The following SLC45A4 variants were observed in gnomAD, a reference collection of about 807,000 sequenced individuals.
SLC45A4 encodes the protein polyamine-transporter SLC45A4.
A neutral mutation model predicts 63.7 loss-of-function variants in SLC45A4; 32 were observed. That is an observed-to-expected ratio of 0.50 (90% CI 0.38 to 0.67). The LOEUF is 0.67. Ranked by LOEUF, SLC45A4 falls within the 30% of genes least tolerant of loss-of-function variation. The pLI, the probability that SLC45A4 is intolerant of heterozygous loss-of-function variation, is 0.00. For missense variants in SLC45A4, 1,027 were observed against 1,157.7 expected, an observed-to-expected ratio of 0.89 and a Z score of 1.64; for synonymous variants, 535 against 510.0, an observed-to-expected ratio of 1.05 and a Z score of -0.66.
chr8:141,221,541 T>A (rs118093080), intron 3 of SLC45A4, 36 bp downstream of exon 3: 8 of 1,596,466 alleles, frequency 5.0e-6, no homozygotes, highest in Non-Finnish European at 6.8e-6. Context: ...ACCCCGTCTG[T>A]GTTGTGAGGA....
intron 8 of SLC45A4, 154 bp downstream of exon 8, chr8:141,212,043 G>C: frequency 7.4e-7 from 1 of 1,347,608 alleles, no homozygotes; most frequent in Non-Finnish European, 9.5e-7. Context: ...TTGTGGCTAT[G>C]GGGGCGGAGG....
intron 1 of SLC45A4, among the ~76,000 whole-genome samples, chr8:141,307,049 G>A (rs925372052): frequency 6.6e-6 from 1 of 152,222 alleles, no homozygotes; most frequent in African/African-American, 2.4e-5. Context: ...GCACTGGAGA[G>A]ACACAAACAC....
chr8:141,246,118 C>T (rs73713397), intron 2 of SLC45A4, among the ~76,000 whole-genome samples: 1,730 of 152,336 alleles, frequency 0.011, 30 homozygotes, highest in African/African-American at 0.037. Flanking sequence ...TACAAACATG[C>T]TGCTTCTGTA....
chr8:141,236,302 G>A (rs892487566), intron 2 of SLC45A4, among the ~76,000 whole-genome samples: 1 of 152,180 alleles, frequency 6.6e-6, no homozygotes, highest in African/African-American at 2.4e-5. Flanking sequence ...GCCCAGCCCT[G>A]ACTGCCTTCA....
intron 1 of SLC45A4, among the ~76,000 whole-genome samples, chr8:141,304,190 G>A (rs1830829135): frequency 6.6e-6 from 1 of 152,104 alleles, no homozygotes; most frequent in African/African-American, 2.4e-5. Context: ...TACTTGGGAA[G>A]CTGGGGCAGG....
At position 141,234,093 on chromosome 8, in the gene SLC45A4, G is replaced by A. The variant is rs540965869; in HGVS notation, c.242-12328C>T. Among the ~76,000 whole-genome samples, 13 of 152,330 alleles carry A rather than the reference G, an allele frequency of 8.5e-5. No homozygotes were observed. In the South Asian group the frequency reaches 2.7e-3, roughly 32 times the overall value. ...TGGCATAAACCATTAGCGAATCGTC[G>A]CCAACATCGGGGCCTGCATCGCTCA... On this transcript the variant is annotated intron_variant, in intron 2 of 8. Transcript: ENST00000517878.
rs905813305 is a variant in SLC45A4, at chr8:141,242,239, G to A, written c.241+11750C>T. On this transcript the variant is annotated intron_variant, in intron 2 of 8. Coordinates refer to ENST00000517878, the MANE Select transcript of SLC45A4 (RefSeq NM_001286646.2). The stretch of plus-strand genomic sequence containing the variant: ...CACAGCTAAGAGTGATGACCAGGAC[G>A]ATGATCAAAAGGCCCAGAGTCTTCT... Among the ~76,000 whole-genome samples, 11 of 152,236 alleles carry A rather than the reference G, an allele frequency of 7.2e-5. No homozygotes were observed. In the South Asian group the frequency reaches 8.3e-4, roughly 11 times the overall value.
At position 141,209,982 on chromosome 8, in the gene SLC45A4, C is replaced by G. The variant is rs1589749221; in HGVS notation, c.*1590G>C. 1 of 152,224 alleles carries G rather than the reference C, an allele frequency of 6.6e-6. No homozygotes were observed. Among genetic ancestry groups the G allele is most frequent in the African/African-American group, 2.4e-5 (1 of 41,452 alleles). 9.4% of individuals were successfully genotyped at this position (152,224 alleles called of 1,614,324 possible). A position where few individuals can be genotyped will look rare whatever the true frequency, so the allele number is the denominator to read the frequency against. On this transcript the variant is annotated 3_prime_UTR_variant, in exon 9 of 9. Transcript: ENST00000517878. ...GTGGGAAGCCTCAGGCAAGGGGTGG[C>G]CCCCAGATGAACCCACATTTGGTGT...
chr8:141,305,586 G>A (rs1563688096), intron 1 of SLC45A4, among the ~76,000 whole-genome samples: 1 of 152,228 alleles, frequency 6.6e-6, no homozygotes, highest in Non-Finnish European at 1.5e-5. Context: ...TTCCCAAGAA[G>A]GGCACTGGCA....
intron 2 of SLC45A4, among the ~76,000 whole-genome samples, chr8:141,246,452 A>G (rs1828198099): frequency 5.0e-5 from 1 of 19,896 alleles, no homozygotes; most frequent in Non-Finnish European, 1.3e-4. Flanking sequence ...GTTATTTGCC[A>G]TATGGGTCTT....
At chr8:141,217,951 T>C in intron 5 of SLC45A4, 60 bp downstream of exon 5, 13 of 1,515,242 alleles carry the variant, frequency 8.6e-6, no homozygotes, top group Non-Finnish European at 1.2e-5. Context: ...GCCCGTGAGC[T>C]TCTCCGTGAG....
At chr8:141,250,779 A>G (rs552172085) in intron 2 of SLC45A4, among the ~76,000 whole-genome samples, 9 of 152,310 alleles carry the variant, frequency 5.9e-5, no homozygotes, top group African/African-American at 2.2e-4. Flanking sequence ...AGGTATTTTC[A>G]ACGATGGGTT....
At chr8:141,299,156 A>G (rs1373826767) in intron 1 of SLC45A4, among the ~76,000 whole-genome samples, 2 of 152,210 alleles carry the variant, frequency 1.3e-5, no homozygotes, top group African/African-American at 2.4e-5. Flanking sequence ...ACACGGAAGC[A>G]GAAGCTCCGA....
chr8:141,287,768 A>G (rs567714035), intron 1 of SLC45A4, among the ~76,000 whole-genome samples: 4 of 152,320 alleles, frequency 2.6e-5, no homozygotes, highest in South Asian at 2.1e-4. Context: ...TGGAACAGCT[A>G]GAATCTCCAG....
intron 1 of SLC45A4, among the ~76,000 whole-genome samples, chr8:141,272,356 C>T (rs183495030): frequency 5.6e-4 from 85 of 152,334 alleles, no homozygotes; most frequent in Admixed American, 2.0e-3. Flanking sequence ...CGGCTGATCT[C>T]GCAGACTGGG....
At chr8:141,257,104 G>A (rs1013323401) in intron 1 of SLC45A4, among the ~76,000 whole-genome samples, 14 of 152,084 alleles carry the variant, frequency 9.2e-5, no homozygotes, top group Non-Finnish European at 7.4e-5. Context: ...CACCTGCTTC[G>A]GCCTCCCAAA....
rs543950567 is a variant in SLC45A4, at chr8:141,266,199, G to A, written c.-400-11570C>T. 2.0e-4 allele frequency among the ~76,000 whole-genome samples: 31 copies of A among 152,284 alleles called. No homozygotes were observed. In the South Asian group the frequency reaches 5.8e-3, roughly 29 times the overall value. On this transcript the variant is annotated intron_variant, in intron 1 of 8. Coordinates refer to ENST00000517878, the MANE Select transcript of SLC45A4 (RefSeq NM_001286646.2). The stretch of plus-strand genomic sequence containing the variant: ...GAGTCCGGACAACACGCGTCCGCAC[G>A]GTGACCACAAACGTGTGCTGCCCCT...
intron 2 of SLC45A4, among the ~76,000 whole-genome samples, chr8:141,244,962 G>GA (rs1569558619): frequency 8.4e-6 from 1 of 119,520 alleles, no homozygotes; most frequent in Non-Finnish European, 1.9e-5. Flanking sequence ...GTGGGTGGGG[G>GA]GGGGGGGCGG....
At chr8:141,258,464 G>A (rs957419610) in intron 1 of SLC45A4, among the ~76,000 whole-genome samples, 1 of 152,250 alleles carries the variant, frequency 6.6e-6, no homozygotes, top group African/African-American at 2.4e-5. Context: ...GAGCCACAGA[G>A]AAAAGCCCCA....
Sources: allele counts gnomAD v4.1 joint callset (sites outside exome capture counted in the v4.1 genomes callset), GRCh38; gene constraint gnomAD v4.1.1; transcripts MANE v1.5; gene names NCBI Gene and HGNC (gene_info 2026-07-23, HGNC 2026-07-21).